TBC1D9B: variants seen among roughly 807,000 people sequenced by gnomAD.
The protein encoded by TBC1D9B is TBC1 domain family, member 9B (with GRAM domain).
TBC1D9B carries 87 observed loss-of-function variants against 121.1 expected under a neutral mutation model. The observed-to-expected ratio is 0.72, with a 90% CI of 0.60 to 0.86. The LOEUF (loss-of-function observed/expected upper bound fraction) is 0.86, where lower values mean the gene tolerates loss of function less well. Ranked by LOEUF, TBC1D9B falls within the 40% of genes least tolerant of loss-of-function variation. The probability of loss-of-function intolerance (pLI) is 0.00; values close to 1 mark genes in which losing one functional copy is unlikely to be tolerated. For synonymous variants in TBC1D9B, 668 were observed against 670.1 expected (o/e 1.00, Z 0.05); for missense variants, 1,540 against 1,628.6 (o/e 0.95, Z 0.94).
At chr5:179,878,806 C>T (rs1469664842) in intron 9 of TBC1D9B, among the ~76,000 whole-genome samples, 4 of 152,198 alleles carry the variant, frequency 2.6e-5, no homozygotes, top group Admixed American at 6.5e-5. Context: ...CCGCTGTGGG[C>T]GGGAGGGCAC....
intron 2 of TBC1D9B, among the ~76,000 whole-genome samples, chr5:179,900,190 C>T (rs58253755): frequency 1.8e-4 from 27 of 152,182 alleles, no homozygotes; most frequent in African/African-American, 5.3e-4. Flanking sequence ...AGTGAGACCT[C>T]GTCTCAAAAA....
intron 20 of TBC1D9B, among the ~76,000 whole-genome samples, chr5:179,864,465 T>C (rs1445168790): frequency 6.6e-6 from 1 of 152,228 alleles, no homozygotes; most frequent in Admixed American, 6.5e-5. Flanking sequence ...AAGGACTTCG[T>C]TGTGTTTTAG....
Position 179,872,969 on chromosome 5 carries a change from C to T in TBC1D9B, c.2338G>A (p.Glu780Lys), listed in dbSNP as rs748511066. 20 of 1,613,768 alleles carry T rather than the reference C, an allele frequency of 1.2e-5. No individual in the cohort carries two copies. The highest frequency in any genetic ancestry group is 1.4e-5 in the Non-Finnish European group (17 of 1,179,876). ...SYEKFSSLRAEDIEQMRFKQR... is the reference protein window; with the variant it reads ...SYEKFSSLRAKDIEQMRFKQR... ...TTAAACCGCATCTGCTCAATGTCTT[C>T]GGCCCTCAGGCTGCTGAATTTCTAT... The change falls in exon 14 of 21, where the codon GAA becomes AAA. Residue 780 changes from glutamate (E) to lysine (K), a missense_variant. Transcript: ENST00000355235.
intron 7 of TBC1D9B, chr5:179,887,612 C>CA (rs1275044348): frequency 2.4e-5 from 4 of 168,204 alleles, no homozygotes; most frequent in African/African-American, 9.6e-5. Flanking sequence ...TGCCTCAGTT[C>CA]AAATAATCAA....
rs577699027 is a variant in TBC1D9B at position 179,880,290 on chromosome 5, G to A, written c.1255-501C>T. On this transcript the variant is annotated intron_variant, in intron 7 of 20. Transcript: ENST00000355235. ...TCTGCAGGAGTGTTGGGATAACCCA[G>A]GGAGCATGCAAGGCCTGCTGCTGCC... 2.0e-3 allele frequency among the ~76,000 whole-genome samples: 310 copies of A among 152,376 alleles called. 2 individuals are homozygous for A. The highest frequency in any genetic ancestry group is 7.0e-3 in the African/African-American group (289 of 41,582).
In TBC1D9B at chr5:179,863,410, C is replaced by A. The variant is rs1246049962; in HGVS notation, c.*38G>T. 2 of 1,593,040 alleles carry A rather than the reference C, an allele frequency of 1.3e-6. No homozygotes were observed. The highest frequency in any genetic ancestry group is 1.1e-5 in the South Asian group (1 of 87,596). On this transcript the variant is annotated 3_prime_UTR_variant, in exon 21 of 21. Coordinates refer to ENST00000355235, the MANE Select transcript of TBC1D9B (RefSeq NM_015043.4). This position sits in a 1 kb window ranked among gnomAD's most constrained non-coding sequence, Gnocchi z 4.5. ...GCAGGAGGAGATGAGGCCAGCCCCA[C>A]TGATGACACCTTGGGCCAGGCCTCA...
chr5:179,889,504 C>T (rs1760797215), intron 6 of TBC1D9B, among the ~76,000 whole-genome samples: 1 of 152,082 alleles, frequency 6.6e-6, no homozygotes. Context: ...CTAGAGGACT[C>T]TAAGCAGGGT....
In TBC1D9B at chr5:179,875,810, T is replaced by C; in HGVS notation, c.1900+110A>G. On this transcript the variant is annotated intron_variant, in intron 11 of 20. Transcript: ENST00000355235. This position sits in a 1 kb window ranked among gnomAD's most constrained non-coding sequence, Gnocchi z 4.5. ...CGAATGTGTAATACTACCCTCTAAC[T>C]CCTAGGGAACCCACGTGAAGCCTGG... 7.4e-6 allele frequency: 6 copies of C among 816,204 alleles called. No homozygotes were observed. Among genetic ancestry groups the C allele is most frequent in the Non-Finnish European group, 5.6e-6 (3 of 535,346 alleles). The allele number at this position is 816,204 out of a possible 1,614,324, so 50.6% of individuals were successfully genotyped here.
At chr5:179,882,893 C>G (rs1374247194) in intron 7 of TBC1D9B, among the ~76,000 whole-genome samples, 1 of 152,214 alleles carries the variant, frequency 6.6e-6, no homozygotes, top group African/African-American at 2.4e-5. Context: ...TCTGATACCT[C>G]TCTTGAGGAG....
In TBC1D9B at chr5:179,904,183, T is replaced by G. The variant is rs1434130788; in HGVS notation, c.229+519A>C. Among the ~76,000 whole-genome samples, 2 of 150,972 alleles carry G rather than the reference T, an allele frequency of 1.3e-5. No homozygotes were observed. The highest frequency in any genetic ancestry group is 2.9e-5 in the Non-Finnish European group (2 of 67,906). Reference sequence around the variant, plus strand: ...AGGTACATGGGGATCCATGGGGCTGTCCTCTCCTGCCCTGTCCCCATGACC... The same window carrying G: ...AGGTACATGGGGATCCATGGGGCTGGCCTCTCCTGCCCTGTCCCCATGACC... On this transcript the variant is annotated intron_variant, in intron 2 of 20. Coordinates refer to ENST00000355235, the MANE Select transcript of TBC1D9B (RefSeq NM_015043.4). This position sits in a 1 kb window ranked among gnomAD's most constrained non-coding sequence, Gnocchi z 4.2.
intron 8 of TBC1D9B, 59 bp downstream of exon 8, chr5:179,879,569 C>A: frequency 6.2e-7 from 1 of 1,611,960 alleles, no homozygotes; most frequent in East Asian, 2.2e-5. Flanking sequence ...CTGGCTCCAG[C>A]TTTCCTCCTG....
intron 3 of TBC1D9B, among the ~76,000 whole-genome samples, chr5:179,896,562 G>A (rs1376973852): frequency 6.6e-6 from 1 of 151,974 alleles, no homozygotes; most frequent in Non-Finnish European, 1.5e-5. Flanking sequence ...TCACTCTATT[G>A]CCCAGGCTGG....
rs993849209 is a variant in TBC1D9B, at chr5:179,869,673, C to T, written c.2791+96G>A. 4.3e-6 allele frequency: 6 copies of T among 1,386,958 alleles called. No homozygotes were observed. The Admixed American group carries it at 7.4e-5, about 17-fold the overall frequency. The allele number at this position is 1,386,958 out of a possible 1,614,324, so 85.9% of individuals were successfully genotyped here. The stretch of plus-strand genomic sequence containing the variant: ...CCAGCCTGCGACGCTGCTGTGCCCC[C>T]TCGAGGCCCCACAGTCTCACAGAGG... On this transcript the variant is annotated intron_variant, in intron 17 of 20. Transcript: ENST00000355235.
rs1162098123 is a variant in TBC1D9B, at chr5:179,891,581, A to G, written c.842T>C (p.Leu281Pro). 2 of 1,612,420 alleles carry G rather than the reference A, an allele frequency of 1.2e-6. No individual in the cohort carries two copies. Among genetic ancestry groups the G allele is most frequent in the East Asian group, 4.5e-5 (2 of 44,856 alleles). ...HRNISALKRD[L>P]DARAKNECYR... Reference sequence around the variant, plus strand: ...GCACTCATTCTTGGCTCGGGCGTCCAGGTCTCTGGGGAAACAAGGTAGGAG... The same window carrying G: ...GCACTCATTCTTGGCTCGGGCGTCCGGGTCTCTGGGGAAACAAGGTAGGAG... The change falls in exon 6 of 21, where the codon CTG (leucine) becomes CCG (proline). Residue 281 changes from leucine to proline, a missense_variant. Physicochemically the swap from Leu to Pro is moderately conservative, Grantham distance 98. Coordinates refer to ENST00000355235, the MANE Select transcript of TBC1D9B (RefSeq NM_015043.4). This position sits in a 1 kb window ranked among gnomAD's most constrained non-coding sequence, Gnocchi z 4.3.
rs577102362 is a variant in TBC1D9B, at chr5:179,890,374, G to A, written c.1044+1005C>T. ...AGGGCCCGGCAGGAGAAATCCAAAC[G>A]GAGCCTCAGGTGTCAGGAAGACCCC... On this transcript the variant is annotated intron_variant, in intron 6 of 20. Coordinates refer to ENST00000355235, the MANE Select transcript of TBC1D9B (RefSeq NM_015043.4). This position sits in a 1 kb window ranked among gnomAD's most constrained non-coding sequence, Gnocchi z 5.0. 9.4e-4 allele frequency among the ~76,000 whole-genome samples: 143 copies of A among 152,290 alleles called. 1 individual carries two copies. Among genetic ancestry groups the A allele is most frequent in the African/African-American group, 3.3e-3 (136 of 41,554 alleles).
rs200613348 is a variant in TBC1D9B, at chr5:179,884,178, T to TA, written c.1254+3924dup. On this transcript the variant is annotated intron_variant, in intron 7 of 20. Coordinates refer to ENST00000355235, the MANE Select transcript of TBC1D9B (RefSeq NM_015043.4). ...AAGCAGGATTTTGTGCTTCCATTAATAAAAAAAAGCCTCCTCTATAAACTG... is the reference window on the plus strand; with the variant it reads ...AAGCAGGATTTTGTGCTTCCATTAATAAAAAAAAAGCCTCCTCTATAAACTG... Among the ~76,000 whole-genome samples, 430 of 152,010 alleles carry TA rather than the reference T, an allele frequency of 2.8e-3. 3 individuals are homozygous for TA. The highest frequency in any genetic ancestry group is 5.1e-3 in the Non-Finnish European group (347 of 67,958).
chr5:179,879,819 C>T (rs942997611), intron 7 of TBC1D9B, 30 bp from the exon 8 acceptor site: 1 of 1,579,128 alleles, frequency 6.3e-7, no homozygotes, highest in Non-Finnish European at 8.6e-7. Context: ...AGGGGACGCC[C>T]TAACAACTGT....
intron 7 of TBC1D9B, chr5:179,887,742 A>G: frequency 3.3e-6 from 1 of 305,240 alleles, no homozygotes; most frequent in Non-Finnish European, 6.1e-6. Context: ...CAAGAACTTC[A>G]GCCTGAACGC....
rs1760302016 is a variant in TBC1D9B at position 179,874,491 on chromosome 5, G to A, written c.2186+411C>T. On this transcript the variant is annotated intron_variant, in intron 12 of 20. Transcript: ENST00000355235. This position sits in a 1 kb window ranked among gnomAD's most constrained non-coding sequence, Gnocchi z 4.3. Reference sequence around the variant, plus strand: ...GTTCCAGCGGGCCCAGGGCAGGCCTGCTCCCTCCAGGGCATGGGGGCTGCA... The same window carrying A: ...GTTCCAGCGGGCCCAGGGCAGGCCTACTCCCTCCAGGGCATGGGGGCTGCA... 2.0e-5 allele frequency among the ~76,000 whole-genome samples: 3 copies of A among 152,202 alleles called. No individual in the cohort carries two copies. Among genetic ancestry groups the A allele is most frequent in the Non-Finnish European group, 4.4e-5 (3 of 68,030 alleles).
Sources: gnomAD v4.1 joint callset for allele counts (sites outside exome capture counted in the v4.1 genomes callset) on GRCh38, gnomAD v4.1.1 for gene constraint, Gnocchi (gnomAD v3.1) non-coding constraint, MANE v1.5 for transcripts, NCBI Gene and HGNC (gene_info 2026-07-23, HGNC 2026-07-21) for gene names.